Variants in PAK1 observed in about 807,000 individuals in gnomAD.
PAK1 encodes serine/threonine-protein kinase PAK 1.
Under a neutral mutation model 67.4 loss-of-function variants are expected in PAK1, and 29 were observed. The ratio of observed to expected loss-of-function variants is 0.43; its 90% CI spans 0.32 to 0.59. The LOEUF (loss-of-function observed/expected upper bound fraction) is 0.59, where lower values mean the gene tolerates loss of function less well. Among genes scored for constraint, PAK1 ranks in the 20% least tolerant of loss-of-function variants. PAK1 has a pLI of 0.07. For missense variants in PAK1, 337 were observed against 670.7 expected, an observed-to-expected ratio of 0.50 and a Z score of 5.50; for synonymous variants, 223 against 237.4, an observed-to-expected ratio of 0.94 and a Z score of 0.56.
At chr11:77,402,709 T>A (rs1348248843) in intron 1 of PAK1, among the ~76,000 whole-genome samples, 1 of 151,766 alleles carries the variant, frequency 6.6e-6, no homozygotes, top group Admixed American at 6.6e-5. Flanking sequence ...TTCCAGCCAA[T>A]CTCTGCCTGA....
intron 2 of PAK1, among the ~76,000 whole-genome samples, chr11:77,384,282 G>A (rs957069767): frequency 1.3e-5 from 2 of 152,052 alleles, no homozygotes; most frequent in African/African-American, 2.4e-5. Flanking sequence ...TAAGAGCTTC[G>A]GACTGAGGGA....
intron 4 of PAK1, among the ~76,000 whole-genome samples, chr11:77,378,117 G>C (rs1949338931): frequency 6.6e-6 from 1 of 152,254 alleles, no homozygotes; most frequent in South Asian, 2.1e-4. Flanking sequence ...CAACAATACT[G>C]CCATTTGAAG....
intron 1 of PAK1, among the ~76,000 whole-genome samples, chr11:77,442,732 T>C (rs1956409377): frequency 2.0e-5 from 3 of 152,218 alleles, no homozygotes; most frequent in African/African-American, 7.2e-5. Context: ...GTAATTTGTC[T>C]ACACAACAAT....
intron 1 of PAK1, among the ~76,000 whole-genome samples, chr11:77,443,917 T>C (rs561264075): frequency 6.6e-6 from 1 of 152,318 alleles, no homozygotes; most frequent in South Asian, 2.1e-4. Context: ...CCCCTCACAT[T>C]TACAGTATAT....
intron 1 of PAK1, among the ~76,000 whole-genome samples, chr11:77,460,750 C>A (rs1957308278): frequency 6.6e-6 from 1 of 152,002 alleles, no homozygotes; most frequent in Non-Finnish European, 1.5e-5. Context: ...AGAATGACTT[C>A]TTTCATTGTA....
intron 2 of PAK1, among the ~76,000 whole-genome samples, chr11:77,383,921 G>C (rs1230351089): frequency 6.6e-6 from 1 of 152,170 alleles, no homozygotes; most frequent in African/African-American, 2.4e-5. Flanking sequence ...CTCAGAGGAA[G>C]GATTCAGTAT....
chr11:77,353,614 G>C lies in PAK1; in HGVS notation c.773-15C>G, dbSNP rs778442598. 6.3e-7 allele frequency: 1 copy of C among 1,590,110 alleles called. No individual in the cohort carries two copies. Among genetic ancestry groups the C allele is most frequent in the Non-Finnish European group, 8.6e-7 (1 of 1,158,480 alleles). ...CACTATGCTTCCTTTGAAAGAAACA[G>C]AGACCATGAATCATTTTTTCCCAAA... On this transcript the variant is annotated splice_polypyrimidine_tract_variant and intron_variant, in intron 7 of 14. Transcript: ENST00000356341.
rs1406576813 is a variant in PAK1 at position 77,404,167 on chromosome 11, T to C, written c.-21-11626A>G. ...CGTATTCTATCATAGCAACACAAAATAGGCTAAGACACTTTCCTACATATG... is the reference window on the plus strand; with the variant it reads ...CGTATTCTATCATAGCAACACAAAACAGGCTAAGACACTTTCCTACATATG... On this transcript the variant is annotated intron_variant, in intron 1 of 14. Coordinates refer to ENST00000356341, the MANE Select transcript of PAK1 (RefSeq NM_002576.5). 3.9e-5 allele frequency among the ~76,000 whole-genome samples: 6 copies of C among 152,196 alleles called. No individual in the cohort carries two copies. The South Asian group carries it at 1.2e-3, about 31-fold the overall frequency.
At chr11:77,529,256 C>A in the PAK1 span, among the ~76,000 whole-genome samples, 20 of 152,216 alleles carry the variant, frequency 1.3e-4, no homozygotes, top group East Asian at 1.2e-3. Context: ...CCTCATAAGG[C>A]CCATTTAGAA....
the PAK1 span, among the ~76,000 whole-genome samples, chr11:77,493,148 G>C: frequency 4.6e-5 from 7 of 152,120 alleles, no homozygotes; most frequent in Non-Finnish European, 7.4e-5. Flanking sequence ...AAATTGTGTA[G>C]AGATGGTGTC....
chr11:77,468,122 G>A (rs562462046), intron 1 of PAK1, among the ~76,000 whole-genome samples: 1 of 152,298 alleles, frequency 6.6e-6, no homozygotes, highest in Admixed American at 6.5e-5. Flanking sequence ...TTAACAGTCT[G>A]AAAGGGAAAG....
At chr11:77,377,507 C>T (rs1949255147) in intron 4 of PAK1, among the ~76,000 whole-genome samples, 1 of 152,114 alleles carries the variant, frequency 6.6e-6, no homozygotes, top group African/African-American at 2.4e-5. Context: ...TACATATACA[C>T]TCAATATTAT....
chr11:77,436,961 C>T (rs1424730031), intron 1 of PAK1, among the ~76,000 whole-genome samples: 1 of 152,194 alleles, frequency 6.6e-6, no homozygotes, highest in Non-Finnish European at 1.5e-5. Flanking sequence ...ACACAAGCCT[C>T]TTTCTCTGAG....
the PAK1 span, among the ~76,000 whole-genome samples, chr11:77,517,180 T>C: frequency 6.6e-6 from 1 of 152,158 alleles, no homozygotes; most frequent in African/African-American, 2.4e-5. Flanking sequence ...TCTCCACACA[T>C]AGGGCATTAT....
chr11:77,401,940 G>A (rs1163101315), intron 1 of PAK1, among the ~76,000 whole-genome samples: 1 of 152,116 alleles, frequency 6.6e-6, no homozygotes, highest in Non-Finnish European at 1.5e-5. Context: ...AGGCTGAGCT[G>A]GTACACACCT....
At chr11:77,342,329 A>G (rs1943731589) in intron 10 of PAK1, among the ~76,000 whole-genome samples, 1 of 152,166 alleles carries the variant, frequency 6.6e-6, no homozygotes, top group Non-Finnish European at 1.5e-5. Context: ...ACTGGTAAAG[A>G]TATGATTAAT....
the PAK1 span, among the ~76,000 whole-genome samples, chr11:77,492,728 G>A: frequency 1.3e-5 from 2 of 152,140 alleles, no homozygotes; most frequent in Non-Finnish European, 2.9e-5. Flanking sequence ...GGAGGGGCCT[G>A]GTGGGAGGTA....
the PAK1 span, among the ~76,000 whole-genome samples, chr11:77,509,325 C>G: frequency 5.3e-5 from 8 of 152,196 alleles, no homozygotes; most frequent in South Asian, 1.5e-3. Context: ...TGCTGATGTA[C>G]CTCAAATGGA....
chr11:77,443,665 T>C (rs972618808), intron 1 of PAK1, among the ~76,000 whole-genome samples: 13 of 152,324 alleles, frequency 8.5e-5, no homozygotes, highest in South Asian at 2.1e-4. Context: ...CTCAAATTCA[T>C]GCAACTCTAA....
Sources: gnomAD v4.1 joint callset for allele counts (sites outside exome capture counted in the v4.1 genomes callset) on GRCh38, gnomAD v4.1.1 for gene constraint, MANE v1.5 for transcripts, NCBI Gene and HGNC (gene_info 2026-07-23, HGNC 2026-07-21) for gene names.